The following BCAS3 variants were observed in gnomAD, a reference collection of about 807,000 sequenced individuals.
The protein encoded by BCAS3 is BCAS4/BCAS3 fusion.
In BCAS3, 53 loss-of-function variants were observed where a neutral mutation model predicts 116.1. The observed-to-expected ratio is 0.46, with a 90% CI of 0.37 to 0.57. The LOEUF (loss-of-function observed/expected upper bound fraction) is 0.57, where lower values mean the gene tolerates loss of function less well. Among genes scored for constraint, BCAS3 ranks in the 20% least tolerant of loss-of-function variants. BCAS3 has a pLI of 0.00. For missense variants in BCAS3, 917 were observed against 1,165.4 expected, an observed-to-expected ratio of 0.79 and a Z score of 3.10; for synonymous variants, 391 against 408.2, an observed-to-expected ratio of 0.96 and a Z score of 0.51.
intron 22 of BCAS3, among the ~76,000 whole-genome samples, chr17:61,192,246 C>CAAAAAAAAAAAAAAG (rs567914691): frequency 1.8e-4 from 13 of 70,686 alleles, no homozygotes; most frequent in Non-Finnish European, 2.5e-4. Flanking sequence ...GCTCTGTTAC[C>CAAAAAAAAAAAAAAG]AAAAAAAAAA....
chr17:60,963,114 G>A (rs755601632), intron 14 of BCAS3, among the ~76,000 whole-genome samples: 1 of 152,094 alleles, frequency 6.6e-6, no homozygotes, highest in East Asian at 1.9e-4. Flanking sequence ...TTTTATGCCG[G>A]CACCATGCTG....
intron 7 of BCAS3, among the ~76,000 whole-genome samples, chr17:60,830,326 C>T (rs9897259): frequency 6.6e-6 from 1 of 152,000 alleles, no homozygotes; most frequent in Non-Finnish European, 1.5e-5. Flanking sequence ...TGTTTGAGAA[C>T]TGTAAAACTA....
At chr17:61,308,037 G>A (rs1230939383) in intron 22 of BCAS3, among the ~76,000 whole-genome samples, 2 of 152,128 alleles carry the variant, frequency 1.3e-5, no homozygotes, top group Non-Finnish European at 2.9e-5. Flanking sequence ...CTTTATCAGA[G>A]AGAGCTATAT....
At chr17:60,783,827 G>C (rs539583883) in intron 6 of BCAS3, among the ~76,000 whole-genome samples, 1 of 152,218 alleles carries the variant, frequency 6.6e-6, no homozygotes, top group Non-Finnish European at 1.5e-5. Context: ...TAAACTATGA[G>C]ATAATGCTAC....
intron 7 of BCAS3, among the ~76,000 whole-genome samples, chr17:60,850,802 G>A (rs973095273): frequency 6.6e-6 from 1 of 152,084 alleles, no homozygotes; most frequent in Non-Finnish European, 1.5e-5. Flanking sequence ...ATACTTAAGT[G>A]TAAAACAAGC....
intron 6 of BCAS3, among the ~76,000 whole-genome samples, chr17:60,780,564 A>G (rs908754101): frequency 2.6e-5 from 4 of 151,986 alleles, no homozygotes; most frequent in Non-Finnish European, 2.9e-5. Flanking sequence ...TAGCCCCCCA[A>G]AGTGCTGGGA....
intron 16 of BCAS3, among the ~76,000 whole-genome samples, chr17:61,022,334 C>T (rs2065931835): frequency 6.6e-6 from 1 of 152,120 alleles, no homozygotes; most frequent in Non-Finnish European, 1.5e-5. Context: ...ACTGCAAGCT[C>T]CGCCTCCTGG....
rs2081989672 is a variant in BCAS3, at chr17:61,219,504, G to A, written c.2425+134940G>A. ...ATTTTGATGTAGAAATTAGATTGTT[G>A]CTTATCTTGTACCTTCTTGCTCATA... is the stretch of plus-strand genomic sequence containing the variant. On this transcript the variant is annotated intron_variant, in intron 22 of 23. Transcript: ENST00000407086. The surrounding 1 kb of genome is among the most constrained non-coding windows in gnomAD (Gnocchi z 5.2). 6.6e-6 allele frequency among the ~76,000 whole-genome samples: 1 copy of A among 152,170 alleles called. No homozygotes were observed.
intron 11 of BCAS3, among the ~76,000 whole-genome samples, chr17:60,904,335 C>G (rs982337700): frequency 2.6e-5 from 4 of 151,944 alleles, no homozygotes; most frequent in African/African-American, 9.7e-5. Context: ...ACCCAGGAGG[C>G]GGAGGTTTCA....
At chr17:61,322,836 G>C (rs568178480) in intron 22 of BCAS3, among the ~76,000 whole-genome samples, 22 of 139,952 alleles carry the variant, frequency 1.6e-4, no homozygotes, top group African/African-American at 6.4e-4. Flanking sequence ...GAGACAGAGA[G>C]AGAGAGAGAG....
At position 60,707,562 on chromosome 17, in the gene BCAS3, G is replaced by A. The variant is rs552924442; in HGVS notation, c.215-1657G>A. ...CACTGTCTAGGGCCTCTAGTACAGT[G>A]TTGAATATAAGTTTTAAGTTTAGGC... On this transcript the variant is annotated intron_variant, in intron 4 of 23. Transcript: ENST00000407086. 2.4e-4 allele frequency among the ~76,000 whole-genome samples: 37 copies of A among 152,280 alleles called. No individual in the cohort carries two copies. In the South Asian group the frequency reaches 7.7e-3, roughly 32 times the overall value.
chr17:61,325,485 T>G lies in BCAS3; in HGVS notation c.2426-42842T>G, dbSNP rs145148680. Reference sequence around the variant, plus strand: ...TGGGAAGACCTGCACTGGCTCTCCCTGAGGGCTTTCCATACCAATTCATTC... The same window carrying G: ...TGGGAAGACCTGCACTGGCTCTCCCGGAGGGCTTTCCATACCAATTCATTC... On this transcript the variant is annotated intron_variant, in intron 22 of 23. Coordinates refer to ENST00000407086, the MANE Select transcript of BCAS3 (RefSeq NM_017679.5). This position sits in a 1 kb window ranked among gnomAD's most constrained non-coding sequence, Gnocchi z 6.4. Among the ~76,000 whole-genome samples the G allele has an allele frequency of 1.2e-3, 188 of 152,280 alleles. No individual in the cohort carries two copies. The highest frequency in any genetic ancestry group is 4.4e-3 in the African/African-American group (182 of 41,564).
intron 22 of BCAS3, among the ~76,000 whole-genome samples, chr17:61,193,757 CAAAAAAAAAAAAAAA>C (rs59810014): frequency 3.1e-4 from 16 of 52,314 alleles, no homozygotes; most frequent in Admixed American, 9.3e-4. Context: ...AACTCCATCT[CAAAAAAAAAAAAAAA>C]AAAAAAAAAA....
At chr17:60,729,486 G>T (rs570811582) in intron 5 of BCAS3, among the ~76,000 whole-genome samples, 1 of 151,774 alleles carries the variant, frequency 6.6e-6, no homozygotes, top group Non-Finnish European at 1.5e-5. Context: ...GTATCTGGGA[G>T]TTACAGTTGT....
rs558532892 is a variant in BCAS3, at chr17:60,961,443, C to T, written c.1221+14091C>T. 8.5e-5 allele frequency among the ~76,000 whole-genome samples: 13 copies of T among 152,112 alleles called. No homozygotes were observed. Among genetic ancestry groups the T allele is most frequent in the Admixed American group, 2.0e-4 (3 of 15,270 alleles). On this transcript the variant is annotated intron_variant, in intron 14 of 23. Transcript: ENST00000407086. The surrounding 1 kb of genome is among the most constrained non-coding windows in gnomAD (Gnocchi z 4.8). ...CTTCAATCTATAGGATCACAATAGTCACATTAGCAGAATGAACCTCGAGAT... is the reference window on the plus strand; with the variant it reads ...CTTCAATCTATAGGATCACAATAGTTACATTAGCAGAATGAACCTCGAGAT...
chr17:60,810,909 C>CATGGCAGACATCTGGGCCCAAT, intron 7 of BCAS3: 1 of 697,058 alleles, frequency 1.4e-6, no homozygotes, highest in South Asian at 1.4e-5. Context: ...TCACCAAGAT[C>CATGGCAGACATCTGGGCCCAAT]ATGGCAGACA....
chr17:61,337,584 G>A lies in BCAS3; in HGVS notation c.2426-30743G>A, dbSNP rs932111154. ...GCCTTTGATTTGCCAAATTCCATGT[G>A]AACAGCCTCTGCGTCTGTTACTCTC... On this transcript the variant is annotated intron_variant, in intron 22 of 23. Coordinates refer to ENST00000407086, the MANE Select transcript of BCAS3 (RefSeq NM_017679.5). The surrounding 1 kb of genome is among the most constrained non-coding windows in gnomAD (Gnocchi z 4.8). Among the ~76,000 whole-genome samples, 1 of 152,172 alleles carries A rather than the reference G, an allele frequency of 6.6e-6. No homozygotes were observed. The highest frequency in any genetic ancestry group is 2.4e-5 in the African/African-American group (1 of 41,444).
chr17:61,350,587 T>C (rs1322380296), intron 22 of BCAS3, among the ~76,000 whole-genome samples: 1 of 151,806 alleles, frequency 6.6e-6, no homozygotes. Flanking sequence ...AGTGGATGAA[T>C]GGATAAAGAA....
intron 6 of BCAS3, among the ~76,000 whole-genome samples, chr17:60,768,353 GGAC>G (rs56749285): frequency 5.5e-4 from 84 of 152,238 alleles, no homozygotes; most frequent in African/African-American, 1.9e-3. Flanking sequence ...TAATCTGGAT[GGAC>G]ACCATCTAAT....
Sources: allele counts gnomAD v4.1 joint callset (sites outside exome capture counted in the v4.1 genomes callset), GRCh38; gene constraint gnomAD v4.1.1; non-coding constraint Gnocchi (gnomAD v3.1); transcripts MANE v1.5; gene names NCBI Gene and HGNC (gene_info 2026-07-23, HGNC 2026-07-21).